Variants in CRACR2A observed in about 807,000 individuals in gnomAD.
CRACR2A encodes EF-hand calcium-binding domain-containing protein 4B.
A neutral mutation model predicts 90.5 loss-of-function variants in CRACR2A; 79 were observed. The ratio of observed to expected loss-of-function variants is 0.87; its 90% CI spans 0.73 to 1.05. CRACR2A has a LOEUF of 1.05. CRACR2A is among the 50% of genes least tolerant of loss of function. The pLI is 0.00. For synonymous variants in CRACR2A, 338 were observed against 356.7 expected, an observed-to-expected ratio of 0.95 and a Z score of 0.59; for missense variants, 823 against 897.2, an observed-to-expected ratio of 0.92 and a Z score of 1.06.
chr12:3,670,886 A>G (rs1990309), intron 7 of CRACR2A, among the ~76,000 whole-genome samples: 22,407 of 152,086 alleles, frequency 0.15, 1,834 homozygotes, highest in South Asian at 0.26. Context: ...ATCCCAACAC[A>G]GTTCCCTAGC....
At chr12:3,692,413 A>G (rs1945663281) in intron 4 of CRACR2A, among the ~76,000 whole-genome samples, 1 of 150,450 alleles carries the variant, frequency 6.6e-6, no homozygotes, top group South Asian at 2.1e-4. Context: ...GCCAATGCTC[A>G]GCTCCCAACT....
At chr12:3,675,374 T>C (rs1191839607) in intron 6 of CRACR2A, among the ~76,000 whole-genome samples, 1 of 152,150 alleles carries the variant, frequency 6.6e-6, no homozygotes, top group Non-Finnish European at 1.5e-5. Flanking sequence ...TGAATGTTTA[T>C]ATCTCCTACA....
chr12:3,615,521 G>T, intron 19 of CRACR2A, 82 bp from the exon 20 acceptor site: 7 of 1,207,556 alleles, frequency 5.8e-6, no homozygotes, highest in Non-Finnish European at 8.1e-6. Flanking sequence ...CTACCCTCAG[G>T]TTACAGGTCA....
intron 2 of CRACR2A, chr12:3,732,056 C>G (rs1946367246): frequency 6.6e-6 from 1 of 152,276 alleles, no homozygotes; most frequent in Admixed American, 6.5e-5. Flanking sequence ...AACTCATACA[C>G]TCAGCAACCT....
intron 1 of CRACR2A, among the ~76,000 whole-genome samples, chr12:3,743,260 T>A (rs1431148218): frequency 6.6e-6 from 1 of 152,264 alleles, no homozygotes; most frequent in Non-Finnish European, 1.5e-5. Flanking sequence ...ACCTGGCAGT[T>A]CCTTTTTGTG....
At chr12:3,671,042 G>A (rs1003803229) in intron 7 of CRACR2A, among the ~76,000 whole-genome samples, 2 of 152,140 alleles carry the variant, frequency 1.3e-5, no homozygotes, top group African/African-American at 4.8e-5. Context: ...TCTCAACAAC[G>A]TTTCGAGCAC....
chr12:3,747,625 A>G (rs1946646088), intron 1 of CRACR2A, among the ~76,000 whole-genome samples: 1 of 152,200 alleles, frequency 6.6e-6, no homozygotes, highest in Admixed American at 6.5e-5. Flanking sequence ...CAGGTAATAG[A>G]AGATTTTCCT....
chr12:3,637,502 CTT>C (rs1419392654), intron 14 of CRACR2A, among the ~76,000 whole-genome samples: 1 of 152,096 alleles, frequency 6.6e-6, no homozygotes, highest in African/African-American at 2.4e-5. Flanking sequence ...CAATTTTCTC[CTT>C]TTTTTCCTTC....
intron 2 of CRACR2A, among the ~76,000 whole-genome samples, chr12:3,723,448 G>C (rs57555399): frequency 0.14 from 20,754 of 152,124 alleles, 1,612 homozygotes; most frequent in Admixed American, 0.23. Context: ...GGTCAGTGGT[G>C]GGGGGTTTGG....
At chr12:3,736,723 A>G (rs182831740) in intron 1 of CRACR2A, among the ~76,000 whole-genome samples, 1 of 152,344 alleles carries the variant, frequency 6.6e-6, no homozygotes, top group Non-Finnish European at 1.5e-5. Flanking sequence ...GAGAGGAAGC[A>G]AAGGAAATAA....
chr12:3,728,150 A>T (rs1013457841), intron 2 of CRACR2A: 10 of 152,184 alleles, frequency 6.6e-5, no homozygotes, highest in African/African-American at 2.4e-4. Context: ...TCAACCTGAA[A>T]ACCACTCGTT....
intron 3 of CRACR2A, among the ~76,000 whole-genome samples, chr12:3,710,914 G>C (rs1788127277): frequency 6.6e-6 from 1 of 152,132 alleles, no homozygotes; most frequent in Admixed American, 6.5e-5. Flanking sequence ...ATCCACTTGG[G>C]AGGTTAAGTT....
intron 2 of CRACR2A, among the ~76,000 whole-genome samples, chr12:3,720,247 AAGAAAG>A (rs1173858847): frequency 1.5e-4 from 21 of 140,820 alleles, no homozygotes; most frequent in African/African-American, 5.4e-4. Flanking sequence ...GAAAGAAAGA[AAGAAAG>A]AGGGAAGGAA....
chr12:3,617,240 G>A (rs1266237279), intron 18 of CRACR2A, among the ~76,000 whole-genome samples: 1 of 152,040 alleles, frequency 6.6e-6, no homozygotes, highest in Non-Finnish European at 1.5e-5. Flanking sequence ...CCATCTCCCA[G>A]GTGAGCTATA....
At chr12:3,630,578 G>A (rs1944360811) in intron 15 of CRACR2A, among the ~76,000 whole-genome samples, 2 of 152,220 alleles carry the variant, frequency 1.3e-5, no homozygotes. Flanking sequence ...GAACCAAAGT[G>A]GAGAAGTGGG....
intron 3 of CRACR2A, among the ~76,000 whole-genome samples, chr12:3,704,536 T>A (rs1283190075): frequency 6.6e-6 from 1 of 152,164 alleles, no homozygotes; most frequent in East Asian, 1.9e-4. Context: ...ATATTAAAAC[T>A]GATCAAATGG....
intron 2 of CRACR2A, among the ~76,000 whole-genome samples, chr12:3,725,351 C>T (rs1009927536): frequency 6.6e-6 from 1 of 152,190 alleles, no homozygotes; most frequent in African/African-American, 2.4e-5. Flanking sequence ...CTGCTCCTTG[C>T]TTCTTCCGGC....
intron 12 of CRACR2A, 72 bp downstream of exon 12, chr12:3,644,523 C>T (rs1002809677): frequency 1.6e-5 from 23 of 1,464,974 alleles, no homozygotes; most frequent in Admixed American, 2.0e-5. Context: ...GGGCCAGTCT[C>T]GACATGGATC....
rs1555112150 is a variant in CRACR2A, at chr12:3,666,364, T to TGC, written c.672-6712_672-6711dup. On this transcript the variant is annotated intron_variant, in intron 7 of 19. Transcript: ENST00000440314. ...GTGTGTGTGTGTGTGTGCGTGCGTG[T>TGC]GCGCGTGCGCGCGCACGCGCGCACA... 1.4e-4 allele frequency among the ~76,000 whole-genome samples: 21 copies of TGC among 149,598 alleles called. No individual in the cohort carries two copies. In the East Asian group the frequency reaches 2.6e-3, roughly 18 times the overall value.
Sources: gnomAD v4.1 joint callset for allele counts (sites outside exome capture counted in the v4.1 genomes callset) on GRCh38, gnomAD v4.1.1 for gene constraint, MANE v1.5 for transcripts, NCBI Gene and HGNC (gene_info 2026-07-23, HGNC 2026-07-21) for gene names.